The following CCDC93 variants were observed in gnomAD, a reference collection of about 807,000 sequenced individuals.
CCDC93 encodes the protein CCC complex scaffolding subunit CCDC93.
CCDC93 carries 61 observed loss-of-function variants against 108.2 expected under a neutral mutation model. The observed-to-expected ratio is 0.56, with a 90% CI of 0.46 to 0.70. CCDC93 has a LOEUF of 0.70. Among genes scored for constraint, CCDC93 ranks in the 30% least tolerant of loss-of-function variants. The pLI is 0.00. For missense variants in CCDC93, 685 were observed against 764.2 expected, an observed-to-expected ratio of 0.90 and a Z score of 1.22; for synonymous variants, 276 against 260.4, an observed-to-expected ratio of 1.06 and a Z score of -0.58.
intron 11 of CCDC93, among the ~76,000 whole-genome samples, chr2:117,968,646 T>C (rs1419197730): frequency 6.6e-6 from 1 of 152,248 alleles, no homozygotes; most frequent in East Asian, 1.9e-4. Context: ...AAGAGAATAC[T>C]GCACATGTTT....
At position 117,925,639 on chromosome 2, in the gene CCDC93, A is replaced by C. The variant is rs549337325; in HGVS notation, c.1843-5243T>G. ...TCATAAAGCAAGTCCTTAGAGACCT[A>C]CAAAGAGACTTAGACTACCACACAA... On this transcript the variant is annotated intron_variant, in intron 23 of 23. Transcript: ENST00000376300. 3.1e-3 allele frequency among the ~76,000 whole-genome samples: 475 copies of C among 152,328 alleles called. 5 individuals are homozygous for C. The highest frequency in any genetic ancestry group is 0.011 in the African/African-American group (454 of 41,566).
rs1418683324 is a variant in CCDC93, at chr2:117,918,433, G to A, written c.*1910C>T. The A allele has an allele frequency of 6.6e-6, 1 of 152,148 alleles. No homozygotes were observed. Among genetic ancestry groups the A allele is most frequent in the Non-Finnish European group, 1.5e-5 (1 of 68,026 alleles). 9.4% of individuals were successfully genotyped at this position (152,148 alleles called of 1,614,324 possible). A position where few individuals can be genotyped will look rare whatever the true frequency, so the allele number is the denominator to read the frequency against. On this transcript the variant is annotated 3_prime_UTR_variant, in exon 24 of 24. Coordinates refer to ENST00000376300, the MANE Select transcript of CCDC93 (RefSeq NM_019044.5). Reference sequence around the variant, plus strand: ...CCTGCACTTTCAAAAAGAATTACTGGTTGCTTTGGATTCATCATGCCATAC... The same window carrying A: ...CCTGCACTTTCAAAAAGAATTACTGATTGCTTTGGATTCATCATGCCATAC...
chr2:117,925,391 G>A (rs868635115), intron 23 of CCDC93, among the ~76,000 whole-genome samples: 3 of 152,018 alleles, frequency 2.0e-5, no homozygotes, highest in African/African-American at 7.2e-5. Flanking sequence ...CATATGCAGA[G>A]ACACACATAG....
At chr2:117,958,512 G>C in intron 11 of CCDC93, 31 bp from the exon 12 acceptor site, 2 of 1,271,462 alleles carry the variant, frequency 1.6e-6, no homozygotes, top group Non-Finnish European at 2.3e-6. Context: ...AAATCCAAAG[G>C]ATTTAGTTAG....
chr2:117,979,355 C>T (rs889635809), intron 7 of CCDC93, among the ~76,000 whole-genome samples: 2 of 152,160 alleles, frequency 1.3e-5, no homozygotes, highest in Non-Finnish European at 2.9e-5. Context: ...CCCTGCTTCC[C>T]TACTCACCCT....
chr2:118,004,764 G>C (rs942114578), intron 3 of CCDC93, among the ~76,000 whole-genome samples: 1 of 152,132 alleles, frequency 6.6e-6, no homozygotes, highest in East Asian at 1.9e-4. Context: ...TTTGCCCACA[G>C]TTACAGTTCA....
intron 10 of CCDC93, among the ~76,000 whole-genome samples, 192 bp from the exon 11 acceptor site, chr2:117,974,186 C>T (rs1490980250): frequency 2.0e-5 from 3 of 152,134 alleles, no homozygotes; most frequent in Non-Finnish European, 4.4e-5. Flanking sequence ...CACGCAGCTA[C>T]CTCCTGAGTC....
intron 23 of CCDC93, among the ~76,000 whole-genome samples, chr2:117,928,771 A>C (rs1469184856): frequency 6.6e-6 from 1 of 152,242 alleles, no homozygotes; most frequent in Non-Finnish European, 1.5e-5. Context: ...TACATACCCA[A>C]AGGATTATAA....
intron 13 of CCDC93, chr2:117,949,676 C>T (rs1359773962): frequency 3.0e-5 from 24 of 809,860 alleles, no homozygotes; most frequent in South Asian, 1.1e-4. Context: ...GAATTTTGTA[C>T]GATGTGAATG....
chr2:117,953,286 C>A (rs1338034223), intron 12 of CCDC93, among the ~76,000 whole-genome samples: 1 of 152,152 alleles, frequency 6.6e-6, no homozygotes, highest in African/African-American at 2.4e-5. Context: ...GAAATCATTA[C>A]TCCAATCTAG....
chr2:117,925,500 C>A (rs917316852), intron 23 of CCDC93, among the ~76,000 whole-genome samples: 24 of 152,078 alleles, frequency 1.6e-4, no homozygotes, highest in African/African-American at 5.8e-4. Flanking sequence ...GACTTTAAAC[C>A]GACAAAGATC....
chr2:118,004,833 A>C (rs372956146), intron 3 of CCDC93, among the ~76,000 whole-genome samples: 111 of 152,270 alleles, frequency 7.3e-4, no homozygotes, highest in African/African-American at 2.6e-3. Context: ...ACACATCCTC[A>C]ATCCCTTATC....
chr2:117,974,182 G>C (rs1679856804), intron 10 of CCDC93, among the ~76,000 whole-genome samples, 188 bp from the exon 11 acceptor site: 1 of 152,116 alleles, frequency 6.6e-6, no homozygotes, highest in Non-Finnish European at 1.5e-5. Flanking sequence ...CAAACACGCA[G>C]CTACCTCCTG....
At chr2:117,980,656 A>G (rs1680088345) in intron 7 of CCDC93, among the ~76,000 whole-genome samples, 1 of 152,226 alleles carries the variant, frequency 6.6e-6, no homozygotes, top group South Asian at 2.1e-4. Context: ...GGAGAGGAAG[A>G]AATTTGCTTC....
chr2:117,985,879 G>A lies in CCDC93; in HGVS notation c.620+90C>T, dbSNP rs183744345. 1.8e-5 allele frequency: 13 copies of A among 733,904 alleles called. 1 individual carries two copies. The highest frequency in any genetic ancestry group is 1.6e-4 in the African/African-American group (9 of 55,232). The allele number at this position is 733,904 out of a possible 1,614,324, so 45.5% of individuals were successfully genotyped here. A position where few individuals can be genotyped will look rare whatever the true frequency, so the allele number is the denominator to read the frequency against. ...CATGGCTGAAGGCAGAAACTCAATCGGGTAGAAGCTAGTCAAGTTAATCCA... is the reference window on the plus strand; with the variant it reads ...CATGGCTGAAGGCAGAAACTCAATCAGGTAGAAGCTAGTCAAGTTAATCCA... On this transcript the variant is annotated intron_variant, in intron 7 of 23. Transcript: ENST00000376300.
At chr2:117,965,959 G>A (rs1005622780) in intron 11 of CCDC93, among the ~76,000 whole-genome samples, 8 of 152,218 alleles carry the variant, frequency 5.3e-5, no homozygotes, top group East Asian at 1.9e-4. Context: ...GACTTCATAC[G>A]TTTGGAAAAA....
intron 17 of CCDC93, chr2:117,944,653 GAGA>G: frequency 2.2e-6 from 1 of 460,578 alleles, no homozygotes; most frequent in Non-Finnish European, 4.5e-6. Context: ...TGTCGCCTCA[GAGA>G]AAGTTACAAA....
rs189345105 is a variant in CCDC93, at chr2:118,002,078, T to A, written c.252-1146A>T. 3.8e-4 allele frequency among the ~76,000 whole-genome samples: 57 copies of A among 151,916 alleles called. No individual in the cohort carries two copies. In the East Asian group the frequency reaches 3.9e-3, roughly 10 times the overall value. On this transcript the variant is annotated intron_variant, in intron 3 of 23. Coordinates refer to ENST00000376300, the MANE Select transcript of CCDC93 (RefSeq NM_019044.5). Reference sequence around the variant, plus strand: ...GCCACACAAGACCCTTTAAAAAAAATCTTAGCCAGTCACAGCAGCTACTGT... The same window carrying A: ...GCCACACAAGACCCTTTAAAAAAAAACTTAGCCAGTCACAGCAGCTACTGT...
At chr2:117,925,475 G>C (rs929404468) in intron 23 of CCDC93, among the ~76,000 whole-genome samples, 3 of 152,112 alleles carry the variant, frequency 2.0e-5, no homozygotes, top group African/African-American at 7.2e-5. Flanking sequence ...TGCAATCCTA[G>C]TCTCTGATAA....
Sources: gnomAD v4.1 joint callset for allele counts (sites outside exome capture counted in the v4.1 genomes callset) on GRCh38, gnomAD v4.1.1 for gene constraint, MANE v1.5 for transcripts, NCBI Gene and HGNC (gene_info 2026-07-23, HGNC 2026-07-21) for gene names.